The following NOL4L variants were observed in gnomAD, a reference collection of about 807,000 sequenced individuals.
NOL4L encodes the protein nucleolar protein 4-like.
In NOL4L, 7 loss-of-function variants were observed where a neutral mutation model predicts 64.5. The ratio of observed to expected loss-of-function variants is 0.11; its 90% confidence interval spans 0.06 to 0.20. The LOEUF (loss-of-function observed/expected upper bound fraction) is 0.20, where lower values mean the gene tolerates loss of function less well. NOL4L is among the 10% of genes least tolerant of loss of function. The pLI, the probability that NOL4L is intolerant of heterozygous loss-of-function variation, is 1.00. For missense variants in NOL4L, 680 were observed against 967.1 expected, an observed-to-expected ratio of 0.70 and a Z score of 3.94; for synonymous variants, 413 against 401.0, an observed-to-expected ratio of 1.03 and a Z score of -0.36.
chr20:32,528,006 A>C, intron 1 of NOL4L, 93 bp from the exon 2 acceptor site: 1 of 561,758 alleles, frequency 1.8e-6, no homozygotes, highest in Non-Finnish European at 2.9e-6. Context: ...AGGACGGGCA[A>C]TGCCTCCGAC....
At chr20:32,491,948 T>C (rs1248432504) in intron 4 of NOL4L, among the ~76,000 whole-genome samples, 1 of 152,176 alleles carries the variant, frequency 6.6e-6, no homozygotes, top group Admixed American at 6.5e-5. Context: ...AGACCCTGTC[T>C]CTGCAAAAAG....
At chr20:32,574,180 C>G (rs974628097) in intron 1 of NOL4L, among the ~76,000 whole-genome samples, 6 of 152,236 alleles carry the variant, frequency 3.9e-5, no homozygotes, top group Admixed American at 6.5e-5. Flanking sequence ...TTGGCCATAC[C>G]GCCTTCTGGA....
chr20:32,565,602 T>A (rs73906158), intron 1 of NOL4L, among the ~76,000 whole-genome samples: 3,931 of 152,050 alleles, frequency 0.026, 169 homozygotes, highest in African/African-American at 0.088. Flanking sequence ...AAGTCACACA[T>A]CCTCTCCAGG....
intron 5 of NOL4L, among the ~76,000 whole-genome samples, chr20:32,466,183 G>C (rs527786355): frequency 6.6e-6 from 1 of 152,254 alleles, no homozygotes; most frequent in Non-Finnish European, 1.5e-5. Context: ...GGCCAGGCTG[G>C]TCTCAAACTC....
intron 9 of NOL4L, 118 bp downstream of exon 9, chr20:32,452,766 C>T: frequency 6.8e-7 from 1 of 1,479,698 alleles, no homozygotes; most frequent in African/African-American, 1.4e-5. Flanking sequence ...CCCTCCTGTT[C>T]CCCCTCTGCC....
intron 1 of NOL4L, among the ~76,000 whole-genome samples, chr20:32,574,310 G>GT (rs1979951066): frequency 6.6e-6 from 1 of 152,140 alleles, no homozygotes; most frequent in Non-Finnish European, 1.5e-5. Context: ...CTTGCCTTTA[G>GT]TTTTTCCCAA....
At chr20:32,474,326 G>A (rs548626114) in intron 5 of NOL4L, among the ~76,000 whole-genome samples, 16 of 152,370 alleles carry the variant, frequency 1.1e-4, no homozygotes, top group East Asian at 3.9e-4. Context: ...GAAGCCCATG[G>A]CATCCCGGCA....
intron 3 of NOL4L, among the ~76,000 whole-genome samples, chr20:32,514,365 GC>G (rs754569056): frequency 9.9e-5 from 15 of 152,070 alleles, no homozygotes; most frequent in Admixed American, 2.0e-4. Context: ...GGTGGCGCAT[GC>G]CTGTAATCCC....
At chr20:32,496,717 A>AT (rs1402460449) in intron 4 of NOL4L, among the ~76,000 whole-genome samples, 4 of 151,896 alleles carry the variant, frequency 2.6e-5, no homozygotes, top group Non-Finnish European at 4.4e-5. Flanking sequence ...CAGCTGGCTA[A>AT]TTTTTTGTAT....
intron 10 of NOL4L, among the ~76,000 whole-genome samples, chr20:32,448,431 T>G (rs1030121955): frequency 1.3e-5 from 2 of 152,158 alleles, no homozygotes; most frequent in East Asian, 3.9e-4. Flanking sequence ...CCAGCTGCCC[T>G]GGTTGTCTGG....
chr20:32,535,610 C>T, intron 1 of NOL4L: 1 of 985,578 alleles, frequency 1.0e-6, no homozygotes, highest in Non-Finnish European at 1.2e-6. Context: ...GACCAAAACG[C>T]ACACCCCAGG....
Position 32,460,224 on chromosome 20 carries a change from C to T in NOL4L, c.842-3829G>A, listed in dbSNP as rs147084205. ...TTTTACCACACACACAGAACCCAGA[C>T]CAAAAACAGCCCCTTTGCCCTAGTT... On this transcript the variant is annotated intron_variant, in intron 5 of 10. Coordinates refer to ENST00000621426, the MANE Select transcript of NOL4L (RefSeq NM_001256798.2). The surrounding 1 kb of genome is among the most constrained non-coding windows in gnomAD (Gnocchi z 5.7). Among the ~76,000 whole-genome samples the T allele has an allele frequency of 3.3e-4, 51 of 152,320 alleles. No homozygotes were observed. The highest frequency in any genetic ancestry group is 1.2e-3 in the African/African-American group (50 of 41,568).
chr20:32,512,877 A>G (rs778704171), intron 3 of NOL4L, among the ~76,000 whole-genome samples: 9 of 152,202 alleles, frequency 5.9e-5, no homozygotes, highest in Non-Finnish European at 1.2e-4. Flanking sequence ...TGCAGGGGAC[A>G]TCTTTGTGCA....
intron 1 of NOL4L, among the ~76,000 whole-genome samples, chr20:32,552,863 G>C (rs1257422266): frequency 6.6e-6 from 1 of 152,176 alleles, no homozygotes; most frequent in South Asian, 2.1e-4. Flanking sequence ...AATTAGCCGG[G>C]CATGGTGGCG....
At chr20:32,571,838 A>G (rs1485122721) in intron 1 of NOL4L, among the ~76,000 whole-genome samples, 4 of 152,242 alleles carry the variant, frequency 2.6e-5, no homozygotes, top group African/African-American at 7.2e-5. Context: ...CTGGTCTCAC[A>G]GGAGCCGGCA....
At chr20:32,450,878 A>G (rs2012829410) in intron 10 of NOL4L, among the ~76,000 whole-genome samples, 1 of 152,140 alleles carries the variant, frequency 6.6e-6, no homozygotes, top group African/African-American at 2.4e-5. Flanking sequence ...AGCTTCAGGG[A>G]TTAGGGCCAG....
At chr20:32,462,346 G>C (rs1174758985) in intron 5 of NOL4L, among the ~76,000 whole-genome samples, 1 of 152,202 alleles carries the variant, frequency 6.6e-6, no homozygotes, top group Non-Finnish European at 1.5e-5. Flanking sequence ...CAAGGGATGG[G>C]ACCCGGGGGC....
At chr20:32,528,204 T>A (rs1312031952) in intron 1 of NOL4L, among the ~76,000 whole-genome samples, 6 of 152,150 alleles carry the variant, frequency 3.9e-5, no homozygotes, top group Non-Finnish European at 5.9e-5. Context: ...TGTGCCAGAC[T>A]CGGGCGGGGA....
At position 32,494,253 on chromosome 20, in the gene NOL4L, G is replaced by GGA. The variant is rs2016583470; in HGVS notation, c.699+17093_699+17094insTC. ...GGGCCACAGAGTGAGATAATCTCGGGAAAAAAAAAAAAAAAAAAAAAAAAA... is the reference window on the plus strand; with the variant it reads ...GGGCCACAGAGTGAGATAATCTCGGGGAAAAAAAAAAAAAAAAAAAAAAAAAA... On this transcript the variant is annotated intron_variant, in intron 4 of 10. Transcript: ENST00000621426. Among the ~76,000 whole-genome samples, 15 of 22,062 alleles carry GGA rather than the reference G, an allele frequency of 6.8e-4. 1 individual carries two copies. Among genetic ancestry groups the GGA allele is most frequent in the Non-Finnish European group, 8.8e-4 (10 of 11,352 alleles). 14.5% of individuals were successfully genotyped at this position (22,062 alleles called of 152,430 possible).
Sources: gnomAD v4.1 joint callset for allele counts (sites outside exome capture counted in the v4.1 genomes callset) on GRCh38, gnomAD v4.1.1 for gene constraint, Gnocchi (gnomAD v3.1) non-coding constraint, MANE v1.5 for transcripts, NCBI Gene and HGNC (gene_info 2026-07-23, HGNC 2026-07-21) for gene names.